DLGAP2: variants seen among roughly 807,000 people sequenced by gnomAD.
DLGAP2 encodes the protein disks large-associated protein 2.
A neutral mutation model predicts 100.3 loss-of-function variants in DLGAP2; 26 were observed. The ratio of observed to expected loss-of-function variants is 0.26; its 90% CI spans 0.19 to 0.36. The LOEUF (loss-of-function observed/expected upper bound fraction) is 0.36. Ranked by LOEUF, DLGAP2 falls within the 10% of genes least tolerant of loss-of-function variation. The probability of loss-of-function intolerance (pLI) is 1.00; values close to 1 mark genes in which losing one functional copy is unlikely to be tolerated. For missense variants in DLGAP2, 1,858 were observed against 1,453.2 expected (o/e 1.28, Z -4.53); for synonymous variants, 886 against 630.1 (o/e 1.41, Z -6.08).
chr8:877,299 G>C (rs537363336), intron 1 of DLGAP2, among the ~76,000 whole-genome samples: 1 of 152,312 alleles, frequency 6.6e-6, no homozygotes, highest in Admixed American at 6.5e-5. Flanking sequence ...ACCTGGGCTT[G>C]TTTTTGTTGT....
chr8:789,787 T>C (rs941311214), intron 1 of DLGAP2, among the ~76,000 whole-genome samples: 3 of 152,180 alleles, frequency 2.0e-5, no homozygotes, highest in Non-Finnish European at 4.4e-5. Context: ...CAATGCAGTT[T>C]AGAGACCTGG....
intron 1 of DLGAP2, among the ~76,000 whole-genome samples, chr8:850,680 C>A (rs1161922506): frequency 6.6e-6 from 1 of 151,958 alleles, no homozygotes; most frequent in Non-Finnish European, 1.5e-5. Flanking sequence ...GCATTATTGG[C>A]CTTTATGTAT....
chr8:1,307,900 A>G (rs1202636123), intron 3 of DLGAP2, among the ~76,000 whole-genome samples: 2 of 152,080 alleles, frequency 1.3e-5, no homozygotes, highest in African/African-American at 4.8e-5. Context: ...AGAAATGGGT[A>G]CAGAGTTTCA....
intron 2 of DLGAP2, among the ~76,000 whole-genome samples, chr8:1,005,889 C>T (rs775153532): frequency 2.6e-5 from 4 of 152,098 alleles, no homozygotes; most frequent in Non-Finnish European, 5.9e-5. Context: ...CCAGAACTTA[C>T]GTAACGGGGA....
intron 1 of DLGAP2, among the ~76,000 whole-genome samples, chr8:845,131 G>T (rs983307712): frequency 6.6e-6 from 1 of 152,186 alleles, no homozygotes; most frequent in Non-Finnish European, 1.5e-5. Context: ...GCATATTTGT[G>T]CACAACTTTT....
chr8:801,583 C>G (rs1484261816), intron 1 of DLGAP2, among the ~76,000 whole-genome samples: 2 of 152,148 alleles, frequency 1.3e-5, no homozygotes, highest in African/African-American at 2.4e-5. Flanking sequence ...TCCTGAGTAG[C>G]TGTGTGGCCA....
chr8:1,440,527 G>A (rs1341415180), intron 3 of DLGAP2, among the ~76,000 whole-genome samples: 4 of 152,244 alleles, frequency 2.6e-5, no homozygotes, highest in African/African-American at 9.6e-5. Context: ...AGTGGAATCT[G>A]TTAGCCGTGC....
intron 2 of DLGAP2, among the ~76,000 whole-genome samples, chr8:940,750 C>T (rs1309148121): frequency 6.6e-6 from 1 of 152,236 alleles, no homozygotes; most frequent in Non-Finnish European, 1.5e-5. Flanking sequence ...TAGTTTTCTG[C>T]AGCCACTTTT....
At chr8:1,551,418 A>G (rs908975518) in intron 5 of DLGAP2, among the ~76,000 whole-genome samples, 1 of 152,074 alleles carries the variant, frequency 6.6e-6, no homozygotes, top group Non-Finnish European at 1.5e-5. Flanking sequence ...GTTTTGCCCC[A>G]GGGTCACCTG....
intron 2 of DLGAP2, among the ~76,000 whole-genome samples, chr8:1,252,069 TGTC>T (rs971262304): frequency 9.5e-5 from 14 of 146,770 alleles, no homozygotes; most frequent in Non-Finnish European, 1.9e-4. Context: ...CACACTGTGT[TGTC>T]GTGTGGGTGT....
chr8:1,495,888 C>T (rs572350697), intron 3 of DLGAP2, among the ~76,000 whole-genome samples: 5 of 152,298 alleles, frequency 3.3e-5, no homozygotes, highest in South Asian at 2.1e-4. Flanking sequence ...ACAGCCCCTG[C>T]GGCCACTGGG....
At chr8:1,067,602 G>GAC (rs1022201018) in intron 2 of DLGAP2, among the ~76,000 whole-genome samples, 3 of 130,040 alleles carry the variant, frequency 2.3e-5, no homozygotes, top group African/African-American at 5.9e-5. Context: ...GTGGTTGAGT[G>GAC]ACGTGTGTGT....
intron 2 of DLGAP2, among the ~76,000 whole-genome samples, chr8:979,532 A>C (rs1199217393): frequency 3.9e-5 from 6 of 152,222 alleles, no homozygotes; most frequent in Non-Finnish European, 8.8e-5. Context: ...ATTTGAGAAA[A>C]AAGTGCTTGC....
chr8:1,041,740 G>C (rs1365297554), intron 2 of DLGAP2, among the ~76,000 whole-genome samples: 1 of 143,224 alleles, frequency 7.0e-6, no homozygotes, highest in African/African-American at 2.6e-5. Flanking sequence ...CCTTGCCGTG[G>C]GTGAGTGTTC....
intron 6 of DLGAP2, among the ~76,000 whole-genome samples, chr8:1,576,282 G>T (rs1487501488): frequency 1.3e-5 from 2 of 152,160 alleles, no homozygotes; most frequent in Non-Finnish European, 2.9e-5. Context: ...AGAAGTGTCT[G>T]TTCATGTCCT....
chr8:959,887 A>C (rs948172016), intron 2 of DLGAP2, among the ~76,000 whole-genome samples: 8 of 152,208 alleles, frequency 5.3e-5, no homozygotes, highest in African/African-American at 1.9e-4. Context: ...CTTATTGATG[A>C]GGCAAATTGA....
intron 2 of DLGAP2, among the ~76,000 whole-genome samples, chr8:1,072,833 C>A (rs1164158034): frequency 1.3e-5 from 2 of 152,214 alleles, no homozygotes; most frequent in Non-Finnish European, 2.9e-5. Context: ...CGTTGTGGGG[C>A]TCCACTGCCG....
intron 3 of DLGAP2, among the ~76,000 whole-genome samples, chr8:1,266,655 G>A (rs938011569): frequency 3.3e-5 from 5 of 152,082 alleles, no homozygotes; most frequent in African/African-American, 9.7e-5. Context: ...ACGCACTGAC[G>A]TACGCCTCCG....
chr8:1,208,144 A>G (rs113372537), intron 2 of DLGAP2, among the ~76,000 whole-genome samples: 28,812 of 152,120 alleles, frequency 0.19, 2,710 homozygotes, highest in Admixed American at 0.22. Context: ...GCCTAAGCCA[A>G]TGTCTAGAAG....
Sources: gnomAD v4.1 joint callset for allele counts (sites outside exome capture counted in the v4.1 genomes callset) on GRCh38, gnomAD v4.1.1 for gene constraint, MANE v1.5 for transcripts, NCBI Gene and HGNC (gene_info 2026-07-23, HGNC 2026-07-21) for gene names.